The following MFRP variants were observed in gnomAD, a reference collection of about 807,000 sequenced individuals.
MFRP encodes C1q and TNF related 5.
Under a neutral mutation model 65.8 loss-of-function variants are expected in MFRP, and 74 were observed. The ratio of observed to expected loss-of-function variants is 1.12; its 90% CI spans 0.93 to 1.36. MFRP has a LOEUF of 1.36. MFRP is among the 40% of genes most tolerant of loss of function. The pLI is 0.00. For missense variants in MFRP, 838 were observed against 736.0 expected (o/e 1.14, Z -1.60); for synonymous variants, 336 against 288.3 (o/e 1.17, Z -1.68).
chr11:119,342,770 C>A (rs572431639), intron 10 of MFRP, 43 bp from the exon 11 acceptor site: 2 of 1,613,258 alleles, frequency 1.2e-6, no homozygotes, highest in South Asian at 2.2e-5. Context: ...GACATACCTA[C>A]ACCCCCAGTA....
Position 119,339,840 on chromosome 11 carries a change from C to T in MFRP, c.*1119G>A. On this transcript the variant is annotated 3_prime_UTR_variant, in exon 15 of 15. Transcript: ENST00000619721. The surrounding 1 kb of genome is among the most constrained non-coding windows in gnomAD (Gnocchi z 5.4). ...CGCGGCCCGGGGTCCCCTCGAGGTC[C>T]CGGCAGTCCTGCGGGGTAAGCGGGG... 2 of 1,493,314 alleles carry T rather than the reference C, an allele frequency of 1.3e-6. No individual in the cohort carries two copies. The highest frequency in any genetic ancestry group is 1.8e-6 in the Non-Finnish European group (2 of 1,129,014). 92.5% of individuals were successfully genotyped at this position (1,493,314 alleles called of 1,614,324 possible).
At chr11:119,342,477 G>A in intron 11 of MFRP, 119 bp downstream of exon 11, 1 of 1,355,932 alleles carries the variant, frequency 7.4e-7, no homozygotes, top group South Asian at 1.4e-5. Flanking sequence ...TCAGGATGGT[G>A]AGGCCAGCTG....
chr11:119,344,639 C>T lies in MFRP; in HGVS notation c.891G>A (p.Lys297=). ...DGSDETNCSA[K]FSGCGGNLTG... Reference sequence around the variant, plus strand: ...CCCATGCCTGGCCCGTACCCGAGAACTTGGCACTGCAATTGGTCTCATCAC... The same window carrying T: ...CCCATGCCTGGCCCGTACCCGAGAATTTGGCACTGCAATTGGTCTCATCAC... Residue 297 remains lysine (K), a synonymous_variant, in exon 7 of 15, where the codon AAG becomes AAA. Coordinates refer to ENST00000619721, the MANE Select transcript of MFRP (RefSeq NM_031433.4). The T allele has an allele frequency of 1.2e-6, 2 of 1,614,060 alleles. No homozygotes were observed. Among genetic ancestry groups the T allele is most frequent in the Non-Finnish European group, 1.7e-6 (2 of 1,180,044 alleles).
In MFRP at chr11:119,345,905, C is replaced by T. The variant is rs772599650; in HGVS notation, c.295G>A (p.Gly99Arg). 1.2e-6 allele frequency: 2 copies of T among 1,613,684 alleles called. No individual in the cohort carries two copies. The highest frequency in any genetic ancestry group is 1.7e-6 in the Non-Finnish European group (2 of 1,179,840). Residue 99 changes from glycine (G) to arginine (R), a missense_variant, in exon 4 of 15, where the codon GGG becomes AGG. Gly to Arg is a moderately radical substitution (Grantham distance 125). Coordinates refer to ENST00000619721, the MANE Select transcript of MFRP (RefSeq NM_031433.4). ...LAQLQAAPPS[G>R]ASHSPLPAGG... ...GCAGGCAGTGGGCTATGGGACGCCCCAGATGGGGGTGCAGCCTGCAGCTCT... is the reference window on the plus strand; with the variant it reads ...GCAGGCAGTGGGCTATGGGACGCCCTAGATGGGGGTGCAGCCTGCAGCTCT...
chr11:119,339,577 G>A lies in MFRP; in HGVS notation c.*1382C>T. ...TCTTCACCAGATCAAACTGCAGGCT[G>A]GCCCGGTAGACGGTGGCATGGACGG... On this transcript the variant is annotated 3_prime_UTR_variant, in exon 15 of 15. Transcript: ENST00000619721. The surrounding 1 kb of genome is among the most constrained non-coding windows in gnomAD (Gnocchi z 5.4). 6.2e-7 allele frequency: 1 copy of A among 1,613,508 alleles called. No individual in the cohort carries two copies. The highest frequency in any genetic ancestry group is 8.5e-7 in the Non-Finnish European group (1 of 1,180,046).
rs1311294676 is a variant in MFRP at position 119,346,240 on chromosome 11, T to C, written c.157+32A>G. ...TGTCCTTGGCTCCTGGGCCTCTCTG[T>C]CCTCCCCCAGGTCACCCCCTGGGAT... is the stretch of plus-strand genomic sequence containing the variant. On this transcript the variant is annotated intron_variant, in intron 2 of 14. Coordinates refer to ENST00000619721, the MANE Select transcript of MFRP (RefSeq NM_031433.4). 3.2e-6 allele frequency: 5 copies of C among 1,581,310 alleles called. No homozygotes were observed. In the Admixed American group the frequency reaches 5.4e-5, roughly 17 times the overall value.
Position 119,346,557 on chromosome 11 carries a change from C to G in MFRP, c.-44G>C, listed in dbSNP as rs79836575. 1 of 1,599,406 alleles carries G rather than the reference C, an allele frequency of 6.3e-7. No homozygotes were observed. ...GCTTTCTGGAGTCCCTGTGACAGCC[C>G]AAGACCCCCAAGGGCCCACTCGCTG... On this transcript the variant is annotated 5_prime_UTR_variant, in exon 1 of 15. Transcript: ENST00000619721.
intron 1 of MFRP, 34 bp downstream of exon 1, chr11:119,346,426 G>C: frequency 6.2e-7 from 1 of 1,613,328 alleles, no homozygotes; most frequent in Non-Finnish European, 8.5e-7. Flanking sequence ...CACTGGTGCT[G>C]GGTCTTAGGA....
At chr11:119,342,451 T>G in intron 11 of MFRP, 145 bp downstream of exon 11, 1 of 1,019,954 alleles carries the variant, frequency 9.8e-7, no homozygotes, top group Non-Finnish European at 1.4e-6. Context: ...CAGGACTCTG[T>G]GAAGTGGTCC....
At position 119,341,905 on chromosome 11, in the gene MFRP, C is replaced by A; in HGVS notation, c.1467G>T (p.Val489=). The change falls in exon 12 of 15, where the codon GTG becomes GTT. Residue 489 remains valine, a synonymous_variant. Transcript: ENST00000619721. ...YNTTAFPNIW[V]GMITQEEVVE... ...CCACCTCCTCCTGGGTGATCATGCCCACCCAGATGTTAGGGAAGGCTGTGG... is the reference window on the plus strand; with the variant it reads ...CCACCTCCTCCTGGGTGATCATGCCAACCCAGATGTTAGGGAAGGCTGTGG... 1 of 1,614,096 alleles carries A rather than the reference C, an allele frequency of 6.2e-7. No individual in the cohort carries two copies. The highest frequency in any genetic ancestry group is 8.5e-7 in the Non-Finnish European group (1 of 1,180,024).
intron 5 of MFRP, 97 bp from the exon 6 acceptor site, chr11:119,345,101 C>T: frequency 6.1e-6 from 9 of 1,484,800 alleles, no homozygotes; most frequent in Non-Finnish European, 8.2e-6. Flanking sequence ...TCTCAACCCC[C>T]AAACTGGTGA....
rs753440856 is a variant in MFRP at position 119,339,807 on chromosome 11, C to A, written c.*1152G>T. On this transcript the variant is annotated 3_prime_UTR_variant, in exon 15 of 15. Coordinates refer to ENST00000619721, the MANE Select transcript of MFRP (RefSeq NM_031433.4). The surrounding 1 kb of genome is among the most constrained non-coding windows in gnomAD (Gnocchi z 5.4). ...GGCCCGGTGGGCCCCGCGGGTCCCGCCTCTCCTCGCGGCCCGGGGTCCCCT... is the reference window on the plus strand; with the variant it reads ...GGCCCGGTGGGCCCCGCGGGTCCCGACTCTCCTCGCGGCCCGGGGTCCCCT... 1 of 1,524,118 alleles carries A rather than the reference C, an allele frequency of 6.6e-7. No individual in the cohort carries two copies. The highest frequency in any genetic ancestry group is 8.8e-7 in the Non-Finnish European group (1 of 1,141,896). 94.4% of individuals were successfully genotyped at this position (1,524,118 alleles called of 1,614,324 possible).
Position 119,339,587 on chromosome 11 carries a change from A to T in MFRP, c.*1372T>A, listed in dbSNP as rs1950475422. On this transcript the variant is annotated 3_prime_UTR_variant, in exon 15 of 15. Coordinates refer to ENST00000619721, the MANE Select transcript of MFRP (RefSeq NM_031433.4). The surrounding 1 kb of genome is among the most constrained non-coding windows in gnomAD (Gnocchi z 5.4). Reference sequence around the variant, plus strand: ...ATCAAACTGCAGGCTGGCCCGGTAGACGGTGGCATGGACGGCGAAGTAGTA... The same window carrying T: ...ATCAAACTGCAGGCTGGCCCGGTAGTCGGTGGCATGGACGGCGAAGTAGTA... The T allele has an allele frequency of 6.2e-7, 1 of 1,613,244 alleles. No homozygotes were observed.
intron 7 of MFRP, 94 bp from the exon 8 acceptor site, chr11:119,344,485 G>A (rs1320426290): frequency 6.4e-6 from 10 of 1,560,156 alleles, no homozygotes; most frequent in Middle Eastern, 1.7e-4. Context: ...TTTTGGCCAT[G>A]CCCATGGGAA....
At chr11:119,342,051 C>T (rs912892392) in intron 11 of MFRP, 67 bp from the exon 12 acceptor site, 2 of 1,600,848 alleles carry the variant, frequency 1.2e-6, no homozygotes, top group Non-Finnish European at 1.7e-6. Flanking sequence ...TGGCAAGTCA[C>T]CGAATCGCTC....
In MFRP at chr11:119,341,572, G is replaced by A. The variant is rs1171797611; in HGVS notation, c.1716C>T (p.Asp572=). The change falls in exon 13 of 15, where the codon GAC becomes GAT. Residue 572 remains aspartate (D), a synonymous_variant. Transcript: ENST00000619721. ...FNCNRLPEAA[D]LEACAQP ...GTCAGGGCTGGGCACAAGCTTCCAG[G>A]TCAGCTGCCTCTGGCAGCCTGTTGC... 1 of 1,612,762 alleles carries A rather than the reference G, an allele frequency of 6.2e-7. No individual in the cohort carries two copies. The highest frequency in any genetic ancestry group is 1.7e-4 in the Middle Eastern group (1 of 6,022).
In MFRP at chr11:119,340,523, C is replaced by T. The variant is rs532028753; in HGVS notation, c.*854-83G>A. ...CCACCCCGGCGCGGCCCAGTCGGTC[C>T]CCACCCCACTGCCGTGCCCCTGAGG... On this transcript the variant is annotated intron_variant, in intron 13 of 14. Coordinates refer to ENST00000619721, the MANE Select transcript of MFRP (RefSeq NM_031433.4). 1.0e-3 allele frequency: 1,030 copies of T among 1,030,276 alleles called. 7 individuals are homozygous for T. Among genetic ancestry groups the T allele is most frequent in the South Asian group, 9.4e-3 (644 of 68,424 alleles). 63.8% of individuals were successfully genotyped at this position (1,030,276 alleles called of 1,614,324 possible). A position where few individuals can be genotyped will look rare whatever the true frequency, so the allele number is the denominator to read the frequency against.
chr11:119,340,011 G>T (rs940858657), intron 14 of MFRP, among the ~76,000 whole-genome samples, 163 bp from the exon 15 acceptor site: 4 of 152,148 alleles, frequency 2.6e-5, no homozygotes, highest in Non-Finnish European at 5.9e-5. Flanking sequence ...GGGCAGATCT[G>T]GGGGGCTGGC....
intron 11 of MFRP, 74 bp from the exon 12 acceptor site, chr11:119,342,058 G>C (rs1235411412): frequency 6.3e-7 from 1 of 1,588,080 alleles, no homozygotes; most frequent in Non-Finnish European, 8.6e-7. Flanking sequence ...TCACCGAATC[G>C]CTCGGTCCTG....
Sources: gnomAD v4.1 joint callset for allele counts (sites outside exome capture counted in the v4.1 genomes callset) on GRCh38, gnomAD v4.1.1 for gene constraint, Gnocchi (gnomAD v3.1) non-coding constraint, MANE v1.5 for transcripts, NCBI Gene and HGNC (gene_info 2026-07-23, HGNC 2026-07-21) for gene names.